CNTLN: variants seen among roughly 807,000 people sequenced by gnomAD.
CNTLN encodes the protein centlein, centrosomal protein.
CNTLN carries 212 observed loss-of-function variants against 180.0 expected under a neutral mutation model. That is an observed-to-expected ratio of 1.18 (90% CI 1.05 to 1.32). The LOEUF (loss-of-function observed/expected upper bound fraction) is 1.32. CNTLN is among the 40% of genes most tolerant of loss of function. The pLI, the probability that CNTLN is intolerant of heterozygous loss-of-function variation, is 0.00. For synonymous variants in CNTLN, 722 were observed against 563.1 expected (o/e 1.28, Z -3.99); for missense variants, 2,095 against 1,610.9 (o/e 1.30, Z -5.14).
chr9:17,369,314 G>C (rs1007847095), intron 13 of CNTLN, among the ~76,000 whole-genome samples: 39 of 152,034 alleles, frequency 2.6e-4, no homozygotes, highest in African/African-American at 9.2e-4. Context: ...ATGCTGAGTT[G>C]TGAGTCAATT....
intron 8 of CNTLN, among the ~76,000 whole-genome samples, chr9:17,323,985 G>A (rs912604743): frequency 6.6e-6 from 1 of 152,112 alleles, no homozygotes; most frequent in Non-Finnish European, 1.5e-5. Flanking sequence ...TTTCTTGTCA[G>A]TTTTTAATAA....
At chr9:17,182,432 C>T (rs1821180616) in intron 2 of CNTLN, among the ~76,000 whole-genome samples, 1 of 151,992 alleles carries the variant, frequency 6.6e-6, no homozygotes, top group South Asian at 2.1e-4. Flanking sequence ...CCTTTTTTCC[C>T]CCACTTCAGA....
chr9:17,163,183 A>G (rs1819800387), intron 2 of CNTLN, among the ~76,000 whole-genome samples: 1 of 152,140 alleles, frequency 6.6e-6, no homozygotes, highest in South Asian at 2.1e-4. Flanking sequence ...TTGAGGGGCT[A>G]AGATTCCTCC....
At chr9:17,217,573 C>A (rs942222440) in intron 2 of CNTLN, among the ~76,000 whole-genome samples, 4 of 152,206 alleles carry the variant, frequency 2.6e-5, no homozygotes, top group African/African-American at 7.2e-5. Context: ...TTGGGGGCAA[C>A]CCTGGTGATG....
rs750132021 is a variant in CNTLN at position 17,394,767 on chromosome 9, C to T, written c.2313C>T (p.Val771=). Residue 771 remains valine, a synonymous_variant, in exon 15 of 26, where the codon GTC becomes GTT. Transcript: ENST00000380647. The part of the protein sequence containing the change: ...QVKISELETE[V]TSLRRQVAEA... ...AAATCAGTGAGCTGGAGACAGAAGT[C>T]ACTTCCCTGAGGAGACAAGTGGCAG... 3 of 1,613,836 alleles carry T rather than the reference C, an allele frequency of 1.9e-6. No homozygotes were observed. In the African/African-American group the frequency reaches 4.0e-5, roughly 22 times the overall value.
chr9:17,209,657 C>A (rs1289423247), intron 2 of CNTLN, among the ~76,000 whole-genome samples: 1 of 152,188 alleles, frequency 6.6e-6, no homozygotes, highest in Non-Finnish European at 1.5e-5. Flanking sequence ...TGACCCCTCT[C>A]TTATTGTATA....
intron 2 of CNTLN, among the ~76,000 whole-genome samples, chr9:17,157,715 A>G (rs1347486459): frequency 6.6e-6 from 1 of 152,192 alleles, no homozygotes; most frequent in Non-Finnish European, 1.5e-5. Context: ...TGCTATGATA[A>G]TATGTCTTTG....
At chr9:17,213,360 C>G (rs1018933479) in intron 2 of CNTLN, among the ~76,000 whole-genome samples, 19 of 152,128 alleles carry the variant, frequency 1.2e-4, no homozygotes, top group African/African-American at 3.1e-4. Context: ...ATGTAGTTGA[C>G]CGGTTTTGAG....
At chr9:17,355,008 C>G (rs1034811695) in intron 12 of CNTLN, among the ~76,000 whole-genome samples, 1 of 151,788 alleles carries the variant, frequency 6.6e-6, no homozygotes, top group African/African-American at 2.4e-5. Flanking sequence ...AGCTTCACTC[C>G]TGAGCCAGCG....
At chr9:17,180,450 T>C (rs1182867818) in intron 2 of CNTLN, among the ~76,000 whole-genome samples, 1 of 150,786 alleles carries the variant, frequency 6.6e-6, no homozygotes, top group African/African-American at 2.4e-5. Flanking sequence ...ATAGAAACCT[T>C]TCTCTCTATT....
At chr9:17,425,265 A>C (rs112221748) in intron 18 of CNTLN, among the ~76,000 whole-genome samples, 5 of 152,066 alleles carry the variant, frequency 3.3e-5, no homozygotes, top group African/African-American at 1.2e-4. Context: ...GCCTTTGGGA[A>C]GTAGTTAGAG....
intron 18 of CNTLN, among the ~76,000 whole-genome samples, chr9:17,430,119 A>G (rs908834408): frequency 1.3e-5 from 2 of 151,914 alleles, no homozygotes; most frequent in African/African-American, 4.8e-5. Flanking sequence ...TTTAATCTTT[A>G]TTTCTAGTCT....
intron 25 of CNTLN, among the ~76,000 whole-genome samples, chr9:17,495,160 G>A (rs1429564370): frequency 6.6e-6 from 1 of 151,898 alleles, no homozygotes; most frequent in African/African-American, 2.4e-5. Flanking sequence ...GATTACAGAT[G>A]TGAGCCGCTG....
intron 18 of CNTLN, among the ~76,000 whole-genome samples, chr9:17,425,299 C>T (rs989481744): frequency 1.3e-5 from 2 of 152,196 alleles, no homozygotes; most frequent in East Asian, 1.9e-4. Context: ...TGTGGGCCCT[C>T]ATCATGTGGT....
chr9:17,312,933 C>G (rs373609740), intron 8 of CNTLN, among the ~76,000 whole-genome samples: 2 of 152,086 alleles, frequency 1.3e-5, no homozygotes, highest in African/African-American at 4.8e-5. Context: ...AAATCTCTCA[C>G]ATAATTGTAG....
chr9:17,269,426 T>C (rs2132473131), intron 5 of CNTLN, among the ~76,000 whole-genome samples: 1 of 152,276 alleles, frequency 6.6e-6, no homozygotes, highest in South Asian at 2.1e-4. Flanking sequence ...ACCATTCCTT[T>C]TTCTGCATCC....
At chr9:17,207,519 C>A (rs1022208119) in intron 2 of CNTLN, among the ~76,000 whole-genome samples, 2 of 152,146 alleles carry the variant, frequency 1.3e-5, no homozygotes, top group Non-Finnish European at 2.9e-5. Flanking sequence ...GTGCAGACTG[C>A]AAAAACCGTG....
At chr9:17,384,482 T>A (rs1268658363) in intron 13 of CNTLN, among the ~76,000 whole-genome samples, 1 of 152,118 alleles carries the variant, frequency 6.6e-6, no homozygotes, top group Admixed American at 6.5e-5. Flanking sequence ...AAGGGGATGG[T>A]CTGGGTCTCC....
chr9:17,398,591 A>T (rs1263454292), intron 15 of CNTLN, among the ~76,000 whole-genome samples: 1 of 152,206 alleles, frequency 6.6e-6, no homozygotes, highest in Non-Finnish European at 1.5e-5. Context: ...CCAGTCAGCC[A>T]CATTGGTTCC....
Sources: gnomAD v4.1 joint callset for allele counts (sites outside exome capture counted in the v4.1 genomes callset) on GRCh38, gnomAD v4.1.1 for gene constraint, MANE v1.5 for transcripts, NCBI Gene and HGNC (gene_info 2026-07-23, HGNC 2026-07-21) for gene names.